PLEKHA7: variants seen among roughly 807,000 people sequenced by gnomAD.
PLEKHA7 encodes the protein pleckstrin homology domain-containing family A member 7.
Under a neutral mutation model 170.0 loss-of-function variants are expected in PLEKHA7, and 104 were observed. The observed-to-expected ratio is 0.61, with a 90% CI of 0.52 to 0.72. PLEKHA7 has a LOEUF of 0.72. Among genes scored for constraint, PLEKHA7 ranks in the 30% least tolerant of loss-of-function variants. The probability of loss-of-function intolerance (pLI) is 0.00; values close to 1 mark genes in which losing one functional copy is unlikely to be tolerated. For synonymous variants in PLEKHA7, 648 were observed against 660.8 expected, an observed-to-expected ratio of 0.98 and a Z score of 0.30; for missense variants, 1,615 against 1,671.7, an observed-to-expected ratio of 0.97 and a Z score of 0.59.
intron 4 of PLEKHA7, among the ~76,000 whole-genome samples, chr11:16,867,132 G>C (rs1854460567): frequency 6.6e-6 from 1 of 152,242 alleles, no homozygotes; most frequent in East Asian, 1.9e-4. Flanking sequence ...AGAGAACTAG[G>C]GAGTAATTTA....
chr11:16,941,448 A>G (rs908363516), intron 3 of PLEKHA7, among the ~76,000 whole-genome samples: 30 of 152,232 alleles, frequency 2.0e-4, no homozygotes, highest in African/African-American at 4.8e-4. Context: ...GGGGCACCAC[A>G]GGAGAATCTG....
Position 16,957,220 on chromosome 11 carries a change from G to A in PLEKHA7, c.221+56769C>T, listed in dbSNP as rs113670820. ...CTTGTTAATCTGAGATACAAAAAGA[G>A]GTCTAGGCATACAGATGTTCAACAC... On this transcript the variant is annotated intron_variant, in intron 3 of 26. Coordinates refer to ENST00000531066, the MANE Select transcript of PLEKHA7 (RefSeq NM_001329630.2). Among the ~76,000 whole-genome samples the A allele has an allele frequency of 4.2e-3, 635 of 152,206 alleles. 3 individuals carry two copies. The highest frequency in any genetic ancestry group is 0.014 in the African/African-American group (597 of 41,532).
chr11:16,975,681 C>T (rs1354133203), intron 3 of PLEKHA7, among the ~76,000 whole-genome samples: 5 of 152,132 alleles, frequency 3.3e-5, no homozygotes, highest in Non-Finnish European at 7.4e-5. Flanking sequence ...TTAAAACACA[C>T]ATATAAATAC....
chr11:16,786,207 T>G (rs1230696645), intron 24 of PLEKHA7, 22 bp downstream of exon 24: 13 of 1,535,142 alleles, frequency 8.5e-6, no homozygotes, highest in Non-Finnish European at 1.1e-5. Flanking sequence ...CTGGAGGACA[T>G]GAAGGAAGTG....
chr11:16,826,671 G>T, intron 9 of PLEKHA7, 81 bp from the exon 10 acceptor site: 1 of 1,284,628 alleles, frequency 7.8e-7, no homozygotes, highest in Non-Finnish European at 1.1e-6. Flanking sequence ...ATCACCTGCA[G>T]GCCTTTGCAC....
chr11:16,830,346 C>T (rs991642180), intron 9 of PLEKHA7, among the ~76,000 whole-genome samples: 2 of 152,246 alleles, frequency 1.3e-5, no homozygotes. Flanking sequence ...GAGGCTACTT[C>T]GGAGATGATG....
chr11:16,791,583 C>T lies in PLEKHA7; in HGVS notation c.2746-384G>A, dbSNP rs1265064729. Reference sequence around the variant, plus strand: ...GACTTCCATGCTTATCACAGCACCACCTACCTGGAGAGTAACATCTACCCA... The same window carrying T: ...GACTTCCATGCTTATCACAGCACCATCTACCTGGAGAGTAACATCTACCCA... On this transcript the variant is annotated intron_variant, in intron 19 of 26. Transcript: ENST00000531066. This position sits in a 1 kb window ranked among gnomAD's most constrained non-coding sequence, Gnocchi z 4.5. The T allele has an allele frequency of 4.2e-6, 2 of 475,966 alleles. No homozygotes were observed. The highest frequency in any genetic ancestry group is 2.3e-5 in the Admixed American group (1 of 43,078). The allele number at this position is 475,966 out of a possible 1,614,324, so 29.5% of individuals were successfully genotyped here. A position where few individuals can be genotyped will look rare whatever the true frequency, so the allele number is the denominator to read the frequency against.
chr11:16,920,001 C>A (rs530165757), intron 3 of PLEKHA7, among the ~76,000 whole-genome samples: 1 of 152,316 alleles, frequency 6.6e-6, no homozygotes, highest in South Asian at 2.1e-4. Context: ...GGATTTGGAT[C>A]ACAGCTTGGG....
rs1415434096 is a variant in PLEKHA7 at position 16,817,067 on chromosome 11, C to T, written c.1599G>A (p.Arg533=). The T allele has an allele frequency of 2.5e-6, 4 of 1,611,838 alleles. No homozygotes were observed. Among genetic ancestry groups the T allele is most frequent in the Non-Finnish European group, 3.4e-6 (4 of 1,178,704 alleles). The part of the protein sequence containing the change: ...LYEWQQRQQF[R]HGSPTAPICL... Reference sequence around the variant, plus strand: ...AGATGGGCGCTGTGGGGCTGCCGTGCCGGAACTGCTGGCGCTGCTGCCACT... The same window carrying T: ...AGATGGGCGCTGTGGGGCTGCCGTGTCGGAACTGCTGGCGCTGCTGCCACT... The change falls in exon 11 of 27, where the codon CGG becomes CGA. Residue 533 remains arginine, a synonymous_variant. Transcript: ENST00000531066. This position sits in a 1 kb window ranked among gnomAD's most constrained non-coding sequence, Gnocchi z 4.4.
intron 3 of PLEKHA7, among the ~76,000 whole-genome samples, chr11:16,938,911 T>C (rs1860492997): frequency 6.6e-6 from 1 of 152,254 alleles, no homozygotes; most frequent in Non-Finnish European, 1.5e-5. Context: ...TCTCTGGTCC[T>C]TGCTTGAATA....
chr11:16,982,886 G>T (rs1390603668), intron 3 of PLEKHA7, among the ~76,000 whole-genome samples: 1 of 151,736 alleles, frequency 6.6e-6, no homozygotes, highest in Non-Finnish European at 1.5e-5. Context: ...AACTATCTAG[G>T]ATTCCTGGAC....
intron 3 of PLEKHA7, among the ~76,000 whole-genome samples, chr11:16,992,078 C>G (rs1017984475): frequency 2.0e-5 from 3 of 151,676 alleles, no homozygotes; most frequent in Non-Finnish European, 4.4e-5. Context: ...TCCAGGGACC[C>G]CCCCCAGCCT....
intron 3 of PLEKHA7, among the ~76,000 whole-genome samples, chr11:16,886,710 C>CAAA (rs35564863): frequency 6.4e-5 from 5 of 77,836 alleles, no homozygotes; most frequent in East Asian, 4.8e-4. Context: ...GACTCTGTCT[C>CAAA]AAAAAAAAAA....
At chr11:16,863,464 T>C (rs985226272) in intron 4 of PLEKHA7, among the ~76,000 whole-genome samples, 20 of 152,172 alleles carry the variant, frequency 1.3e-4, no homozygotes, top group African/African-American at 4.8e-4. Flanking sequence ...TGATCTTGCA[T>C]GCCTTGCAGC....
At chr11:16,883,632 T>C (rs1204120473) in intron 3 of PLEKHA7, among the ~76,000 whole-genome samples, 1 of 152,184 alleles carries the variant, frequency 6.6e-6, no homozygotes, top group Non-Finnish European at 1.5e-5. Flanking sequence ...TCCCTAAGGA[T>C]TTCTGCCCAA....
At chr11:16,856,021 C>A in intron 4 of PLEKHA7, 107 bp from the exon 5 acceptor site, 1 of 884,158 alleles carries the variant, frequency 1.1e-6, no homozygotes, top group Non-Finnish European at 1.8e-6. Context: ...TAGAACAACC[C>A]AACCCTGATT....
At chr11:16,813,266 G>A (rs1251892445) in intron 12 of PLEKHA7, 100 bp from the exon 13 acceptor site, 5 of 1,021,632 alleles carry the variant, frequency 4.9e-6, no homozygotes, top group South Asian at 1.4e-5. Context: ...GCAGCTTTGG[G>A]AACAAGGAAC....
In PLEKHA7 at chr11:16,816,871, GTGGCTTCAC is replaced by G. The variant is rs750808779; in HGVS notation, c.1786_1794del (p.Val596_Pro598del). ...ATGTCCACACTCCTCCTCTGGTCCG[GTGGCTTCAC>G]TGTGACTCGCTCTGCTGGTGTGTGT... On this transcript the variant is annotated inframe_deletion, in exon 11 of 27. Transcript: ENST00000531066. The G allele has an allele frequency of 3.7e-6, 6 of 1,614,020 alleles. No homozygotes were observed. The highest frequency in any genetic ancestry group is 5.1e-6 in the Non-Finnish European group (6 of 1,180,034).
Position 17,005,715 on chromosome 11 carries a change from G to C in PLEKHA7, c.221+8274C>G, listed in dbSNP as rs371464538. On this transcript the variant is annotated intron_variant, in intron 3 of 26. Coordinates refer to ENST00000531066, the MANE Select transcript of PLEKHA7 (RefSeq NM_001329630.2). ...GCAACTTGCAACCATTTTTCTTAAA[G>C]ACGTTTCCTTAAAGAAGTTTCTTTT... Among the ~76,000 whole-genome samples the C allele has an allele frequency of 1.6e-4, 25 of 152,326 alleles. No individual in the cohort carries two copies. In the South Asian group the frequency reaches 5.2e-3, roughly 32 times the overall value.
Sources: gnomAD v4.1 joint callset for allele counts (sites outside exome capture counted in the v4.1 genomes callset) on GRCh38, gnomAD v4.1.1 for gene constraint, Gnocchi (gnomAD v3.1) non-coding constraint, MANE v1.5 for transcripts, NCBI Gene and HGNC (gene_info 2026-07-23, HGNC 2026-07-21) for gene names.